CRYBA4: variants seen among roughly 807,000 people sequenced by gnomAD.
CRYBA4 encodes crystallin beta A4.
Under a neutral mutation model 31.7 loss-of-function variants are expected in CRYBA4, and 30 were observed. That is an observed-to-expected ratio of 0.95 (90% CI 0.71 to 1.28). The LOEUF is 1.28. CRYBA4 is among the 50% of genes most tolerant of loss of function. CRYBA4 has a pLI of 0.00. For synonymous variants in CRYBA4, 102 were observed against 102.3 expected, an observed-to-expected ratio of 1.00 and a Z score of 0.02; for missense variants, 225 against 260.7, an observed-to-expected ratio of 0.86 and a Z score of 0.94.
the CRYBA4 span, among the ~76,000 whole-genome samples, chr22:26,596,456 G>C: frequency 6.6e-6 from 1 of 151,950 alleles, no homozygotes; most frequent in Non-Finnish European, 1.5e-5. Flanking sequence ...CCTTTTATAG[G>C]ACTTATCAGA....
Position 26,627,090 on chromosome 22 carries a change from C to T in CRYBA4, c.301-1198C>T, listed in dbSNP as rs143372074. 4.8e-3 allele frequency among the ~76,000 whole-genome samples: 737 copies of T among 152,262 alleles called. 3 individuals carry two copies. The highest frequency in any genetic ancestry group is 0.017 in the Middle Eastern group (5 of 294). ...TGCTAATATAGGGACCCGTGGCGGG[C>T]TGCAACAGAAACAATCCCTCATTCC... On this transcript the variant is annotated intron_variant, in intron 4 of 5. Transcript: ENST00000354760.
At chr22:26,627,185 A>G (rs963878175) in intron 4 of CRYBA4, among the ~76,000 whole-genome samples, 5 of 152,174 alleles carry the variant, frequency 3.3e-5, no homozygotes, top group Non-Finnish European at 7.4e-5. Flanking sequence ...GGTTAGTTTC[A>G]TTTTATAGAT....
At chr22:26,627,396 CTTT>C (rs1929753176) in intron 4 of CRYBA4, among the ~76,000 whole-genome samples, 1 of 77,406 alleles carries the variant, frequency 1.3e-5, no homozygotes, top group African/African-American at 7.0e-5. Flanking sequence ...TTCTTTCTTT[CTTT>C]CTTTCTTTCT....
the CRYBA4 span, chr22:26,599,725 G>T: frequency 6.8e-7 from 1 of 1,473,764 alleles, no homozygotes; most frequent in Non-Finnish European, 9.5e-7. Flanking sequence ...TCGTTGCCTG[G>T]CACCCAGACC....
the CRYBA4 span, chr22:26,599,551 C>A: frequency 6.2e-7 from 1 of 1,614,132 alleles, no homozygotes; most frequent in South Asian, 1.1e-5. Flanking sequence ...CTGCTTGTCA[C>A]GCAGGCGACG....
chr22:26,601,257 T>G, the CRYBA4 span, among the ~76,000 whole-genome samples: 1 of 152,148 alleles, frequency 6.6e-6, no homozygotes, highest in African/African-American at 2.4e-5. Context: ...AGTGACTCCT[T>G]TGATCTGGCC....
chr22:26,619,021 A>G (rs1929452061), upstream of CRYBA4, among the ~76,000 whole-genome samples: 1 of 152,120 alleles, frequency 6.6e-6, no homozygotes, highest in African/African-American at 2.4e-5. Flanking sequence ...TGCCCACCAC[A>G]TCTTGTTCAC....
rs772527385 is a variant in CRYBA4, at chr22:26,623,192, G to A, written c.40-42G>A. 3 of 1,535,378 alleles carry A rather than the reference G, an allele frequency of 2.0e-6. No homozygotes were observed. The Admixed American group carries it at 5.0e-5, about 26-fold the overall frequency. On this transcript the variant is annotated intron_variant, in intron 2 of 5. Coordinates refer to ENST00000354760, the MANE Select transcript of CRYBA4 (RefSeq NM_001886.3). Reference sequence around the variant, plus strand: ...GCCCCCAACCTCTCACCCTTCACGGGACTCTGATGCGGATCTCCACCTTTT... The same window carrying A: ...GCCCCCAACCTCTCACCCTTCACGGAACTCTGATGCGGATCTCCACCTTTT...
chr22:26,602,847 G>A, the CRYBA4 span, among the ~76,000 whole-genome samples: 1 of 151,946 alleles, frequency 6.6e-6, no homozygotes, highest in Non-Finnish European at 1.5e-5. Flanking sequence ...CTCTAGGCCG[G>A]GTGCGATGGC....
chr22:26,627,446 CCT>C (rs1356821206), intron 4 of CRYBA4, among the ~76,000 whole-genome samples: 2,661 of 110,824 alleles, frequency 0.024, 261 homozygotes, highest in African/African-American at 0.049. Context: ...TTCTTTCTTT[CCT>C]TCTTTCTTTT....
At chr22:26,592,578 G>C in the CRYBA4 span, among the ~76,000 whole-genome samples, 1 of 152,250 alleles carries the variant, frequency 6.6e-6, no homozygotes, top group South Asian at 2.1e-4. Context: ...GAAGTGCAGA[G>C]TGGACAGGAT....
the CRYBA4 span, chr22:26,599,534 G>A: frequency 3.7e-6 from 6 of 1,613,920 alleles, no homozygotes; most frequent in Non-Finnish European, 4.2e-6. Flanking sequence ...GACCCCTCGA[G>A]GTGCCACTGC....
At chr22:26,610,346 T>A in the CRYBA4 span, among the ~76,000 whole-genome samples, 1 of 152,078 alleles carries the variant, frequency 6.6e-6, no homozygotes, top group Admixed American at 6.5e-5. Context: ...TCTTCATTCT[T>A]TTTTTCCCAT....
At chr22:26,595,585 A>C in the CRYBA4 span, among the ~76,000 whole-genome samples, 1 of 151,938 alleles carries the variant, frequency 6.6e-6, no homozygotes, top group Non-Finnish European at 1.5e-5. Context: ...GTCTCAAAAA[A>C]AAAAAAAAAA....
At position 26,628,368 on chromosome 22, in the gene CRYBA4, T is replaced by A; in HGVS notation, c.381T>A (p.Pro127=). 1 of 1,614,042 alleles carries A rather than the reference T, an allele frequency of 6.2e-7. No individual in the cohort carries two copies. Among genetic ancestry groups the A allele is most frequent in the Non-Finnish European group, 8.5e-7 (1 of 1,180,000 alleles). ...GKKGELSDDY[P]SLQAMGWEGN... ...AAGGAGAGCTGAGCGATGACTATCC[T>A]TCCCTCCAGGCCATGGGATGGGAAG... Residue 127 remains proline, a synonymous_variant, in exon 5 of 6, where the codon CCT becomes CCA. Coordinates refer to ENST00000354760, the MANE Select transcript of CRYBA4 (RefSeq NM_001886.3).
At chr22:26,594,076 G>A in the CRYBA4 span, among the ~76,000 whole-genome samples, 2 of 152,148 alleles carry the variant, frequency 1.3e-5, no homozygotes, top group Non-Finnish European at 2.9e-5. Context: ...GCAGTGGCTC[G>A]GCAGTGGGCA....
intron 2 of CRYBA4, 125 bp downstream of exon 2, chr22:26,622,760 G>A: frequency 1.3e-6 from 1 of 780,156 alleles, no homozygotes; most frequent in Non-Finnish European, 2.3e-6. Context: ...TCAGAGTTGA[G>A]AAGGGACTTG....
At chr22:26,599,249 T>G in the CRYBA4 span, 17 of 536,256 alleles carry the variant, frequency 3.2e-5, no homozygotes, top group East Asian at 1.3e-4. Context: ...TGCCTACACA[T>G]TTGGTAGACT....
chr22:26,602,065 G>A, the CRYBA4 span: 73 of 1,609,780 alleles, frequency 4.5e-5, no homozygotes, highest in South Asian at 6.3e-4. Context: ...GTACAAATGG[G>A]ACAAAGAGAA....
Sources: gnomAD v4.1 joint callset for allele counts (sites outside exome capture counted in the v4.1 genomes callset) on GRCh38, gnomAD v4.1.1 for gene constraint, MANE v1.5 for transcripts, NCBI Gene and HGNC (gene_info 2026-07-23, HGNC 2026-07-21) for gene names.